Variants in GALNT13 observed in about 807,000 individuals in gnomAD.
GALNT13 encodes polypeptide N-acetylgalactosaminyltransferase 13.
In GALNT13, 28 loss-of-function variants were observed where a neutral mutation model predicts 64.2. The observed-to-expected ratio is 0.44, with a 90% confidence interval of 0.32 to 0.60. GALNT13 has a LOEUF of 0.60. Ranked by LOEUF, GALNT13 falls within the 20% of genes least tolerant of loss-of-function variation. GALNT13 has a pLI of 0.05. For synonymous variants in GALNT13, 214 were observed against 224.6 expected (o/e 0.95, Z 0.42); for missense variants, 577 against 669.8 (o/e 0.86, Z 1.53).
the GALNT13 span, among the ~76,000 whole-genome samples, chr2:153,859,068 A>G: frequency 6.6e-6 from 1 of 152,228 alleles, no homozygotes; most frequent in Middle Eastern, 3.4e-3. Flanking sequence ...AAGGTTAAGT[A>G]CTAGCTGCAG....
At chr2:154,391,842 A>G (rs1440142340) in intron 9 of GALNT13, among the ~76,000 whole-genome samples, 1 of 152,162 alleles carries the variant, frequency 6.6e-6, no homozygotes, top group Non-Finnish European at 1.5e-5. Flanking sequence ...ATGATATCAG[A>G]TAGTAATAAG....
At chr2:153,466,182 G>T in the GALNT13 span, among the ~76,000 whole-genome samples, 1 of 151,988 alleles carries the variant, frequency 6.6e-6, no homozygotes, top group Non-Finnish European at 1.5e-5. Context: ...TTTCATATTT[G>T]TAAAGCTCCA....
intron 1 of GALNT13, among the ~76,000 whole-genome samples, chr2:153,884,785 A>ATATATATATATATATATATATGTGTG (rs1450308010): frequency 8.2e-6 from 1 of 122,504 alleles, no homozygotes; most frequent in African/African-American, 3.5e-5. Flanking sequence ...ATATATATAT[A>ATATATATATATATATATATATGTGTG]TGTGTGTGTA....
chr2:153,287,967 G>T, the GALNT13 span, among the ~76,000 whole-genome samples: 1 of 151,892 alleles, frequency 6.6e-6, no homozygotes, highest in African/African-American at 2.4e-5. Flanking sequence ...TATCAATTCC[G>T]TTTGTCTCTC....
chr2:153,895,291 C>A (rs1687814286), intron 1 of GALNT13, among the ~76,000 whole-genome samples: 1 of 152,112 alleles, frequency 6.6e-6, no homozygotes, highest in South Asian at 2.1e-4. Flanking sequence ...GCCTTAATTA[C>A]ATCCCTTATC....
At chr2:153,864,346 A>G in the GALNT13 span, among the ~76,000 whole-genome samples, 2 of 152,326 alleles carry the variant, frequency 1.3e-5, no homozygotes, top group Non-Finnish European at 2.9e-5. Flanking sequence ...GAAAGATCAA[A>G]AACAGAAAGT....
At chr2:153,713,094 A>T in the GALNT13 span, among the ~76,000 whole-genome samples, 4 of 152,194 alleles carry the variant, frequency 2.6e-5, no homozygotes, top group Non-Finnish European at 5.9e-5. Context: ...GGCCTGAAAC[A>T]AAGTATATGG....
At chr2:153,284,573 C>T in the GALNT13 span, among the ~76,000 whole-genome samples, 72,593 of 151,920 alleles carry the variant, frequency 0.48, 17,968 homozygotes, top group Middle Eastern at 0.62. Flanking sequence ...AAGCCTCTTT[C>T]CAAGTTAACT....
intron 3 of GALNT13, among the ~76,000 whole-genome samples, chr2:154,041,034 G>A (rs1013058161): frequency 2.2e-5 from 3 of 139,320 alleles, no homozygotes; most frequent in Non-Finnish European, 3.3e-5. Context: ...TAAGGCATGG[G>A]ATTATATTGG....
At chr2:153,566,358 T>TTTTTTG in the GALNT13 span, among the ~76,000 whole-genome samples, 2 of 97,780 alleles carry the variant, frequency 2.0e-5, no homozygotes, top group Non-Finnish European at 5.3e-5. Flanking sequence ...GTTTTTTTTT[T>TTTTTTG]TTTTTTTTTT....
At chr2:153,185,275 G>A in the GALNT13 span, among the ~76,000 whole-genome samples, 1 of 151,842 alleles carries the variant, frequency 6.6e-6, no homozygotes, top group Non-Finnish European at 1.5e-5. Flanking sequence ...TTCTCTGATG[G>A]TTGTATTTCT....
intron 11 of GALNT13, among the ~76,000 whole-genome samples, chr2:154,433,806 T>G (rs1700808525): frequency 6.6e-6 from 1 of 151,640 alleles, no homozygotes; most frequent in Non-Finnish European, 1.5e-5. Context: ...TAAGGAAAGA[T>G]ATGTTATCTA....
intron 3 of GALNT13, among the ~76,000 whole-genome samples, chr2:154,022,263 G>A (rs1697565787): frequency 6.6e-6 from 1 of 152,170 alleles, no homozygotes; most frequent in Admixed American, 6.5e-5. Context: ...GATTGGAGTA[G>A]TTTCAGAAGG....
chr2:153,636,157 A>G, the GALNT13 span, among the ~76,000 whole-genome samples: 1 of 152,120 alleles, frequency 6.6e-6, no homozygotes, highest in Non-Finnish European at 1.5e-5. Context: ...CATGCTAACT[A>G]CATACCCACT....
intron 2 of GALNT13, among the ~76,000 whole-genome samples, chr2:153,937,006 C>A (rs746984262): frequency 6.6e-6 from 1 of 152,066 alleles, no homozygotes; most frequent in Non-Finnish European, 1.5e-5. Flanking sequence ...CGTGAGCAAC[C>A]GTGCCTGGCC....
chr2:153,251,431 C>A, the GALNT13 span, among the ~76,000 whole-genome samples: 2 of 152,062 alleles, frequency 1.3e-5, no homozygotes, highest in Non-Finnish European at 1.5e-5. Flanking sequence ...TTATTATCAG[C>A]TATGAAACTC....
At chr2:154,445,815 C>T in intron 12 of GALNT13, 1 of 1,288,458 alleles carries the variant, frequency 7.8e-7, no homozygotes, top group Non-Finnish European at 1.0e-6. Flanking sequence ...TACTTAGTGT[C>T]TCCCAAGGGC....
At chr2:153,379,008 C>T in the GALNT13 span, among the ~76,000 whole-genome samples, 1 of 152,224 alleles carries the variant, frequency 6.6e-6, no homozygotes, top group Admixed American at 6.5e-5. Flanking sequence ...AGCAGGTCCT[C>T]ATCTCACTGA....
chr2:153,452,859 C>A, the GALNT13 span, among the ~76,000 whole-genome samples: 4 of 152,096 alleles, frequency 2.6e-5, no homozygotes, highest in Admixed American at 1.3e-4. Flanking sequence ...GCATTACATA[C>A]CTGACCTCAA....
Sources: gnomAD v4.1 joint callset for allele counts (sites outside exome capture counted in the v4.1 genomes callset) on GRCh38, gnomAD v4.1.1 for gene constraint, MANE v1.5 for transcripts, NCBI Gene and HGNC (gene_info 2026-07-23, HGNC 2026-07-21) for gene names.